The following ARHGAP32 variants were observed in gnomAD, a reference collection of about 807,000 sequenced individuals.
ARHGAP32 encodes the protein rho GTPase-activating protein 32.
Under a neutral mutation model 186.5 loss-of-function variants are expected in ARHGAP32, and 51 were observed. That is an observed-to-expected ratio of 0.27 (90% CI 0.22 to 0.35). The LOEUF is 0.35. Ranked by LOEUF, ARHGAP32 falls within the 10% of genes least tolerant of loss-of-function variation. ARHGAP32 has a pLI of 1.00. For synonymous variants in ARHGAP32, 950 were observed against 964.3 expected, an observed-to-expected ratio of 0.99 and a Z score of 0.27; for missense variants, 2,186 against 2,623.5, an observed-to-expected ratio of 0.83 and a Z score of 3.64.
intron 1 of ARHGAP32, among the ~76,000 whole-genome samples, chr11:129,240,617 G>A (rs1022283905): frequency 6.6e-6 from 1 of 152,096 alleles, no homozygotes; most frequent in Non-Finnish European, 1.5e-5. Flanking sequence ...AATTCCTTTA[G>A]ATACACAACA....
At chr11:129,163,976 T>C (rs540465493) in intron 2 of ARHGAP32, among the ~76,000 whole-genome samples, 6 of 152,224 alleles carry the variant, frequency 3.9e-5, no homozygotes, top group South Asian at 2.1e-4. Flanking sequence ...TGTTCTTCCA[T>C]TGCCTAAAAT....
chr11:129,004,991 CTGG>C (rs1937685334), intron 11 of ARHGAP32, among the ~76,000 whole-genome samples: 1 of 151,870 alleles, frequency 6.6e-6, no homozygotes, highest in Non-Finnish European at 1.5e-5. Context: ...GTGATTTTCT[CTGG>C]TGGTATGATA....
intron 1 of ARHGAP32, among the ~76,000 whole-genome samples, chr11:129,185,971 A>G (rs1833360718): frequency 6.6e-6 from 1 of 152,146 alleles, no homozygotes; most frequent in South Asian, 2.1e-4. Context: ...GTATCTGGGA[A>G]GGTTTTGCCT....
At chr11:129,172,107 T>A (rs1323335884) in intron 1 of ARHGAP32, among the ~76,000 whole-genome samples, 3 of 152,196 alleles carry the variant, frequency 2.0e-5, no homozygotes, top group Non-Finnish European at 2.9e-5. Flanking sequence ...AATCATGTCA[T>A]CTGCAAACAG....
intron 11 of ARHGAP32, among the ~76,000 whole-genome samples, chr11:129,026,954 C>A (rs1016099642): frequency 6.6e-6 from 1 of 151,392 alleles, no homozygotes; most frequent in Non-Finnish European, 1.5e-5. Context: ...AAAAAATTAG[C>A]TGGGCATAGT....
At chr11:129,129,152 G>GGCA (rs1459738845) in intron 2 of ARHGAP32, among the ~76,000 whole-genome samples, 1 of 147,638 alleles carries the variant, frequency 6.8e-6, no homozygotes, top group Non-Finnish European at 1.5e-5. Context: ...GTCTCTGCCC[G>GGCA]GCCGCCCCGT....
intron 5 of ARHGAP32, among the ~76,000 whole-genome samples, chr11:129,102,256 T>C: frequency 6.6e-6 from 1 of 152,094 alleles, no homozygotes; most frequent in East Asian, 1.9e-4. Context: ...CACACTGAAA[T>C]AAGCAGACCA....
At chr11:129,067,551 GTGCCT>G (rs1235950393) in intron 6 of ARHGAP32, among the ~76,000 whole-genome samples, 3 of 151,978 alleles carry the variant, frequency 2.0e-5, no homozygotes, top group African/African-American at 7.2e-5. Context: ...TATTGCTAAT[GTGCCT>G]TGCCTTTGAA....
chr11:129,203,298 T>C lies in ARHGAP32; in HGVS notation c.-4-38871A>G, dbSNP rs1944478541. Among the ~76,000 whole-genome samples, 4 of 152,204 alleles carry C rather than the reference T, an allele frequency of 2.6e-5. No homozygotes were observed. The South Asian group carries it at 8.3e-4, about 31-fold the overall frequency. ...TAAAGTAAATCAAAACTATTACATA[T>C]ATTGGCTAAATAAAATCTGAGGCAA... On this transcript the variant is annotated intron_variant, in intron 1 of 6. Coordinates refer to the ARHGAP32 transcript ENST00000525234.
rs1945494083 is a variant in ARHGAP32 at position 128,974,708 on chromosome 11, G to A, written c.2489C>T (p.Ala830Val). ...GTATCCTGGTGAATCTAAAAAGGAA[G>A]CACCACTCTCCAGACATTCTGATTC... ...KAESECLESG[A>V]SFLDSPGYSK... Residue 830 changes from alanine (A) to valine (V), a missense_variant, in exon 21 of 23, where the codon GCT becomes GTT. Physicochemically the swap from Ala to Val is moderately conservative, Grantham distance 64. This residue lies in a region of ARHGAP32 where 263 missense variants were observed against 323.5 expected (regional missense o/e 0.81). Coordinates refer to ENST00000682385, the MANE Select transcript of ARHGAP32 (RefSeq NM_001378024.1). 1 of 1,614,152 alleles carries A rather than the reference G, an allele frequency of 6.2e-7. No homozygotes were observed. The highest frequency in any genetic ancestry group is 1.7e-5 in the Admixed American group (1 of 60,020).
intron 5 of ARHGAP32, among the ~76,000 whole-genome samples, chr11:129,099,285 T>C (rs751927066): frequency 1.3e-5 from 2 of 152,182 alleles, no homozygotes; most frequent in Non-Finnish European, 2.9e-5. Context: ...TAAAACCACA[T>C]TCTTACTGTA....
At chr11:129,238,477 A>G (rs1020375914) in intron 1 of ARHGAP32, among the ~76,000 whole-genome samples, 12 of 152,204 alleles carry the variant, frequency 7.9e-5, no homozygotes. Flanking sequence ...TAGTCATTTC[A>G]GCCTCCACTA....
chr11:128,996,741 A>G (rs951880861), intron 12 of ARHGAP32, among the ~76,000 whole-genome samples: 2 of 152,068 alleles, frequency 1.3e-5, no homozygotes, highest in Admixed American at 6.6e-5. Context: ...AAGCTGTTTC[A>G]CTCACATTTC....
intron 1 of ARHGAP32, among the ~76,000 whole-genome samples, chr11:129,272,055 A>G (rs1296662065): frequency 6.6e-6 from 1 of 152,214 alleles, no homozygotes; most frequent in Non-Finnish European, 1.5e-5. Context: ...TGATCAGGCT[A>G]AAGAATCACT....
chr11:129,108,769 T>C (rs1227579429), intron 5 of ARHGAP32, among the ~76,000 whole-genome samples: 2 of 152,178 alleles, frequency 1.3e-5, no homozygotes, highest in African/African-American at 4.8e-5. Context: ...GATAGTGTCT[T>C]TGAATGCACA....
At chr11:129,230,733 C>T (rs1944847088) in intron 1 of ARHGAP32, among the ~76,000 whole-genome samples, 1 of 152,102 alleles carries the variant, frequency 6.6e-6, no homozygotes, top group African/African-American at 2.4e-5. Context: ...ATTATTTCAA[C>T]AGGAACCATA....
chr11:129,028,427 A>G (rs1938959711), intron 11 of ARHGAP32, among the ~76,000 whole-genome samples: 1 of 152,258 alleles, frequency 6.6e-6, no homozygotes, highest in South Asian at 2.1e-4. Context: ...GGCTGCAAAG[A>G]TAAGTTAGTT....
intron 1 of ARHGAP32, among the ~76,000 whole-genome samples, chr11:129,201,947 C>T (rs11606896): frequency 6.6e-6 from 1 of 152,118 alleles, no homozygotes; most frequent in African/African-American, 2.4e-5. Flanking sequence ...CATGCCACTG[C>T]ACTCCAGCCT....
chr11:128,998,469 C>A lies in ARHGAP32; in HGVS notation c.1046-1G>T. ...ATGAGCTTGCCGTGCTTTTTAGACACTAAAAATCAATAAAGAGAAAAGATC... is the reference window on the plus strand; with the variant it reads ...ATGAGCTTGCCGTGCTTTTTAGACAATAAAAATCAATAAAGAGAAAAGATC... On this transcript the variant is annotated splice_acceptor_variant, in intron 11 of 22. Coordinates refer to ENST00000682385, the MANE Select transcript of ARHGAP32 (RefSeq NM_001378024.1). LOFTEE classifies it high-confidence loss of function. 2 of 1,527,282 alleles carry A rather than the reference C, an allele frequency of 1.3e-6. No homozygotes were observed. The highest frequency in any genetic ancestry group is 8.8e-7 in the Non-Finnish European group (1 of 1,130,562). The allele number at this position is 1,527,282 out of a possible 1,614,324, so 94.6% of individuals were successfully genotyped here.
Sources: gnomAD v4.1 joint callset for allele counts (sites outside exome capture counted in the v4.1 genomes callset) on GRCh38, gnomAD v4.1.1 for gene constraint, gnomAD v4.1.1 regional missense constraint, MANE v1.5 for transcripts, NCBI Gene and HGNC (gene_info 2026-07-23, HGNC 2026-07-21) for gene names.